DEGS2: variants seen among roughly 807,000 people sequenced by gnomAD.
DEGS2 encodes delta 4-desaturase, sphingolipid 2, also known as sphingolipid delta(4)-desaturase/C4-monooxygenase DES2.
A neutral mutation model predicts 23.8 loss-of-function variants in DEGS2; 19 were observed. The ratio of observed to expected loss-of-function variants is 0.80; its 90% CI spans 0.56 to 1.17. The LOEUF (loss-of-function observed/expected upper bound fraction) is 1.17. DEGS2 is among the 50% of genes most tolerant of loss of function. The pLI is 0.00. For synonymous variants in DEGS2, 218 were observed against 213.7 expected (o/e 1.02, Z -0.18); for missense variants, 390 against 459.5 (o/e 0.85, Z 1.38).
At position 100,149,331 on chromosome 14, in the gene DEGS2, G is replaced by A. The variant is rs150661877; in HGVS notation, c.462C>T (p.Cys154=). ...VPTRLEGWFF[C]TPARKLLWLV... Reference sequence around the variant, plus strand: ...GCCAGAGCAGCTTGCGGGCGGGTGTGCAGAAGAACCAGCCCTCCAGACGCG... The same window carrying A: ...GCCAGAGCAGCTTGCGGGCGGGTGTACAGAAGAACCAGCCCTCCAGACGCG... Residue 154 remains cysteine, a synonymous_variant, in exon 2 of 3, where the codon TGC becomes TGT. Coordinates refer to ENST00000305631, the MANE Select transcript of DEGS2 (RefSeq NM_206918.3). 6.7e-4 allele frequency: 1,075 copies of A among 1,610,972 alleles called. 8 individuals carry two copies. In the African/African-American group the frequency reaches 0.011, roughly 17 times the overall value.
At chr14:100,147,467 C>T (rs901852306) in intron 2 of DEGS2, among the ~76,000 whole-genome samples, 10 of 152,304 alleles carry the variant, frequency 6.6e-5, no homozygotes, top group African/African-American at 2.4e-4. Context: ...AGCCTCACTG[C>T]TTGTCATGTT....
At position 100,144,173 on chromosome 14, in the gene DEGS2, G is replaced by A; in HGVS notation, c.*2588C>T. 5.1e-6 allele frequency: 1 copy of A among 195,204 alleles called. No homozygotes were observed. The highest frequency in any genetic ancestry group is 1.1e-5 in the Non-Finnish European group (1 of 94,350). The allele number at this position is 195,204 out of a possible 1,614,324, so 12.1% of individuals were successfully genotyped here. On this transcript the variant is annotated 3_prime_UTR_variant, in exon 3 of 3. Coordinates refer to ENST00000305631, the MANE Select transcript of DEGS2 (RefSeq NM_206918.3). ...CTCCGTCCCCAGCGCTCATGGTGTT[G>A]AAACTGTCTGTCATGCACCACGGTG...
intron 1 of DEGS2, among the ~76,000 whole-genome samples, chr14:100,157,150 GATATC>G (rs1290614141): frequency 6.6e-6 from 1 of 152,174 alleles, no homozygotes; most frequent in African/African-American, 2.4e-5. Flanking sequence ...TCCCAGCTGA[GATATC>G]ATCTCATCCT....
chr14:100,155,140 T>C (rs1889637808), intron 1 of DEGS2, among the ~76,000 whole-genome samples: 2 of 152,122 alleles, frequency 1.3e-5, no homozygotes, highest in African/African-American at 4.8e-5. Flanking sequence ...ACATTCCACC[T>C]CTGCCGCCAC....
upstream of DEGS2, chr14:100,159,972 C>T (rs568219466): frequency 1.3e-5 from 2 of 159,346 alleles, no homozygotes; most frequent in South Asian, 4.1e-4. Context: ...CGGGTTTTTA[C>T]CCCGGCCCGT....
At position 100,148,180 on chromosome 14, in the gene DEGS2, T is replaced by G. The variant is rs116580101; in HGVS notation, c.825+788A>C. ...ATACATAACCACACACAGATGCGTG[T>G]GCGCACGCCCAGGCACACATGCAAA... On this transcript the variant is annotated intron_variant, in intron 2 of 2. Coordinates refer to ENST00000305631, the MANE Select transcript of DEGS2 (RefSeq NM_206918.3). 3.0e-3 allele frequency among the ~76,000 whole-genome samples: 464 copies of G among 152,288 alleles called. 2 individuals carry two copies. The highest frequency in any genetic ancestry group is 0.01 in the African/African-American group (431 of 41,564).
At chr14:100,154,191 C>T (rs999350317) in intron 1 of DEGS2, among the ~76,000 whole-genome samples, 6 of 152,074 alleles carry the variant, frequency 3.9e-5, no homozygotes, top group African/African-American at 1.4e-4. Flanking sequence ...ATGGTGAAAC[C>T]CCGTCTCTAC....
In DEGS2 at chr14:100,144,434, G is replaced by A. The variant is rs970233577; in HGVS notation, c.*2327C>T. The A allele has an allele frequency of 3.3e-5, 5 of 152,390 alleles. No individual in the cohort carries two copies. The highest frequency in any genetic ancestry group is 1.2e-4 in the African/African-American group (5 of 41,454). The allele number at this position is 152,390 out of a possible 1,614,324, so 9.4% of individuals were successfully genotyped here. On this transcript the variant is annotated 3_prime_UTR_variant, in exon 3 of 3. Coordinates refer to ENST00000305631, the MANE Select transcript of DEGS2 (RefSeq NM_206918.3). ...TGGGGCTGGGCCTCAGGTCCTGCCT[G>A]TAGGGAACTCCCTACGGGATCTCCA...
intron 1 of DEGS2, among the ~76,000 whole-genome samples, chr14:100,151,566 A>G (rs186108296): frequency 3.3e-4 from 51 of 152,302 alleles, no homozygotes; most frequent in African/African-American, 1.2e-3. Context: ...AGCCCGAGAC[A>G]CCCACACTGC....
intron 1 of DEGS2, among the ~76,000 whole-genome samples, chr14:100,158,086 C>CA (rs55666851): frequency 0.23 from 22,668 of 97,228 alleles, 2,659 homozygotes; most frequent in East Asian, 0.32. Context: ...GACTTCCTCT[C>CA]AAAAAAAAAA....
At chr14:100,160,788 G>C (rs1156850168), upstream of DEGS2, among the ~76,000 whole-genome samples, 1 of 152,240 alleles carries the variant, frequency 6.6e-6, no homozygotes, top group East Asian at 1.9e-4. Flanking sequence ...GAGTGAGCCA[G>C]GAAGGAAGGC....
At chr14:100,159,437 C>A in intron 1 of DEGS2, 69 bp downstream of exon 1, 1 of 1,268,370 alleles carries the variant, frequency 7.9e-7, no homozygotes, top group Non-Finnish European at 1.0e-6. Context: ...CTGGGCTCGA[C>A]CCCACGACGC....
chr14:100,160,251 C>G (rs1889730599), upstream of DEGS2: 1 of 152,310 alleles, frequency 6.6e-6, no homozygotes, highest in South Asian at 2.1e-4. Flanking sequence ...CTTCAGGGAA[C>G]TTGAGTTCTG....
the DEGS2 span, among the ~76,000 whole-genome samples, chr14:100,166,102 GGGGGTAGCCTGCCCGGGAGGGTC>G: frequency 3.4e-5 from 2 of 58,140 alleles, no homozygotes; most frequent in Admixed American, 1.5e-4. Context: ...CCGGGAGAGT[GGGGGTAGCCTGCCCGGGAGGGTC>G]GGGGGAGCCT....
At chr14:100,166,370 G>A in the DEGS2 span, among the ~76,000 whole-genome samples, 2 of 134,668 alleles carry the variant, frequency 1.5e-5, no homozygotes, top group Admixed American at 7.2e-5. Flanking sequence ...GCCTGCCCGG[G>A]GCTGTGGGGG....
At chr14:100,166,277 T>TGGGAGGAGCCTGTCC in the DEGS2 span, among the ~76,000 whole-genome samples, 1 of 27,322 alleles carries the variant, frequency 3.7e-5, no homozygotes, top group Non-Finnish European at 9.3e-5. Flanking sequence ...GGAGCCTGTC[T>TGGGAGGAGCCTGTCC]GGGGGAGTGG....
At position 100,146,393 on chromosome 14, in the gene DEGS2, C is replaced by A; in HGVS notation, c.*368G>T. 4.9e-6 allele frequency: 1 copy of A among 205,486 alleles called. No individual in the cohort carries two copies. Among genetic ancestry groups the A allele is most frequent in the East Asian group, 1.5e-4 (1 of 6,604 alleles). The allele number at this position is 205,486 out of a possible 1,614,324, so 12.7% of individuals were successfully genotyped here. ...TGGGGCCAGGCTCAAGCCCAGACCA[C>A]CCCCTCAGAAGCACAATCCATGGGC... On this transcript the variant is annotated 3_prime_UTR_variant, in exon 3 of 3. Transcript: ENST00000305631.
intron 1 of DEGS2, among the ~76,000 whole-genome samples, chr14:100,158,766 TTAACCCCG>T: frequency 6.6e-6 from 1 of 152,114 alleles, no homozygotes. Context: ...CGCAGGCCCT[TTAACCCCG>T]TAAGCCCGGG....
In DEGS2 at chr14:100,146,659, A is replaced by G; in HGVS notation, c.*102T>C. ...CGGGACACTCCTCGGGGACAAGGGC[A>G]GCAGTCCAGAGCACAGGAAGGAAAT... On this transcript the variant is annotated 3_prime_UTR_variant, in exon 3 of 3. Transcript: ENST00000305631. 1 of 1,491,920 alleles carries G rather than the reference A, an allele frequency of 6.7e-7. No individual in the cohort carries two copies. Among genetic ancestry groups the G allele is most frequent in the Non-Finnish European group, 9.0e-7 (1 of 1,110,062 alleles). The allele number at this position is 1,491,920 out of a possible 1,614,324, so 92.4% of individuals were successfully genotyped here.
Sources: gnomAD v4.1 joint callset for allele counts (sites outside exome capture counted in the v4.1 genomes callset) on GRCh38, gnomAD v4.1.1 for gene constraint, MANE v1.5 for transcripts, NCBI Gene and HGNC (gene_info 2026-07-23, HGNC 2026-07-21) for gene names.